Variants in RNPC3 observed in about 807,000 individuals in gnomAD.
The protein encoded by RNPC3 is RNA binding region (RNP1, RRM) containing 3.
In RNPC3, 48 loss-of-function variants were observed where a neutral mutation model predicts 67.5. The ratio of observed to expected loss-of-function variants is 0.71; its 90% CI spans 0.56 to 0.90. RNPC3 has a LOEUF of 0.90. Ranked by LOEUF, RNPC3 falls within the 40% of genes least tolerant of loss-of-function variation. The probability of loss-of-function intolerance (pLI) is 0.00; values close to 1 mark genes in which losing one functional copy is unlikely to be tolerated. For missense variants in RNPC3, 637 were observed against 626.1 expected (o/e 1.02, Z -0.19); for synonymous variants, 239 against 210.3 (o/e 1.14, Z -1.18).
At chr1:103,536,105 T>C in intron 5 of RNPC3, 21 bp from the exon 6 acceptor site, 1 of 1,505,974 alleles carries the variant, frequency 6.6e-7, no homozygotes, top group Non-Finnish European at 8.9e-7. Context: ...TATGTGAATT[T>C]AAATGTCTTA....
intron 7 of RNPC3, among the ~76,000 whole-genome samples, chr1:103,539,258 CTG>C (rs1400229064): frequency 1.4e-4 from 22 of 152,182 alleles, no homozygotes; most frequent in Admixed American, 1.4e-3. Flanking sequence ...CAAGCAGACT[CTG>C]AGCAACATAT....
rs1651510743 is a variant in RNPC3, at chr1:103,555,208, AAATAT to A, written c.*192_*196del. On this transcript the variant is annotated 3_prime_UTR_variant, in exon 15 of 15. Transcript: ENST00000423855. ...TACATGTATTTTAATGATTTTCCTC[AAATAT>A]AATAAATTGTTTCCTTTCCAATAAA... 6.6e-6 allele frequency: 1 copy of A among 152,036 alleles called. No homozygotes were observed. The allele number at this position is 152,036 out of a possible 1,614,324, so 9.4% of individuals were successfully genotyped here.
intron 11 of RNPC3, 131 bp downstream of exon 11, chr1:103,546,473 T>C: frequency 2.2e-6 from 1 of 449,058 alleles, no homozygotes; most frequent in Non-Finnish European, 3.9e-6. Flanking sequence ...CATGACAAAT[T>C]ATTGTTTAGT....
At chr1:103,533,933 T>C (rs1047633022) in intron 3 of RNPC3, 76 bp downstream of exon 3, 6 of 790,256 alleles carry the variant, frequency 7.6e-6, no homozygotes, top group Non-Finnish European at 1.2e-5. Context: ...TATACAGTTA[T>C]TGTATTGTTT....
intron 8 of RNPC3, among the ~76,000 whole-genome samples, chr1:103,541,939 G>A (rs1651132644): frequency 6.6e-6 from 1 of 151,874 alleles, no homozygotes. Flanking sequence ...TACTTAAAAA[G>A]TACCCAGCAG....
At chr1:103,533,709 A>G in intron 2 of RNPC3, 30 bp from the exon 3 acceptor site, 1 of 1,200,652 alleles carries the variant, frequency 8.3e-7, no homozygotes, top group Admixed American at 2.1e-5. Flanking sequence ...TACAATTGTG[A>G]AATGTTTACT....
intron 6 of RNPC3, among the ~76,000 whole-genome samples, chr1:103,536,842 G>A (rs560314335): frequency 6.6e-6 from 1 of 151,870 alleles, no homozygotes; most frequent in African/African-American, 2.4e-5. Context: ...AATTAGTTAA[G>A]GTTATACTAG....
At position 103,551,127 on chromosome 1, in the gene RNPC3, C is replaced by T. The variant is rs897925944; in HGVS notation, c.1494+54C>T. 4 of 1,416,188 alleles carry T rather than the reference C, an allele frequency of 2.8e-6. No homozygotes were observed. The African/African-American group carries it at 4.4e-5, about 16-fold the overall frequency. 87.7% of individuals were successfully genotyped at this position (1,416,188 alleles called of 1,614,324 possible). A position where few individuals can be genotyped will look rare whatever the true frequency, so the allele number is the denominator to read the frequency against. ...CTATATAATTTTTAGAAGGATATAA[C>T]TGAAATTAATTTTCATGTTACCCTT... On this transcript the variant is annotated intron_variant, in intron 13 of 14. Coordinates refer to ENST00000423855, the MANE Select transcript of RNPC3 (RefSeq NM_017619.4).
At chr1:103,526,820 A>G (rs1650724542) in intron 1 of RNPC3, among the ~76,000 whole-genome samples, 1 of 152,170 alleles carries the variant, frequency 6.6e-6, no homozygotes, top group South Asian at 2.1e-4. Context: ...AGGAATTTAC[A>G]CAATTACTTT....
At chr1:103,550,850 A>G in intron 12 of RNPC3, 91 bp from the exon 13 acceptor site, 3 of 1,334,446 alleles carry the variant, frequency 2.2e-6, no homozygotes, top group Non-Finnish European at 3.2e-6. Context: ...AGTCACTTTT[A>G]TTTGAAATAG....
At chr1:103,550,079 G>A (rs760632140) in intron 12 of RNPC3, among the ~76,000 whole-genome samples, 32 of 151,798 alleles carry the variant, frequency 2.1e-4, no homozygotes, top group Non-Finnish European at 2.8e-4. Flanking sequence ...CAGGAGAATC[G>A]CTTAAACCCA....
intron 8 of RNPC3, among the ~76,000 whole-genome samples, chr1:103,542,797 T>A (rs983123236): frequency 2.6e-5 from 4 of 151,858 alleles, no homozygotes; most frequent in African/African-American, 9.7e-5. Context: ...GATAACTTTT[T>A]ATATTGATTA....
intron 8 of RNPC3, among the ~76,000 whole-genome samples, chr1:103,542,645 A>G (rs905199677): frequency 2.0e-5 from 3 of 151,918 alleles, no homozygotes; most frequent in East Asian, 3.9e-4. Context: ...AGAAGTTGCC[A>G]GTAAAATGAT....
Position 103,534,877 on chromosome 1 carries a change from T to C in RNPC3, c.443+20T>C, listed in dbSNP as rs1650943416. ...CCATGGGTTAGCATTTTTGTTTGCT[T>C]TTCTTTTGCTTTTGTTCTGTGTTAT... On this transcript the variant is annotated intron_variant, in intron 4 of 14. Transcript: ENST00000423855. 6.9e-7 allele frequency: 1 copy of C among 1,447,150 alleles called. No homozygotes were observed. The highest frequency in any genetic ancestry group is 9.3e-7 in the Non-Finnish European group (1 of 1,072,154). 89.6% of individuals were successfully genotyped at this position (1,447,150 alleles called of 1,614,324 possible). A position where few individuals can be genotyped will look rare whatever the true frequency, so the allele number is the denominator to read the frequency against.
chr1:103,543,244 C>T (rs1170422967), intron 8 of RNPC3, 52 bp from the exon 9 acceptor site: 30 of 1,236,828 alleles, frequency 2.4e-5, no homozygotes, highest in Middle Eastern at 2.9e-4. Flanking sequence ...TAATATTTTA[C>T]TCAGGATTTT....
At chr1:103,537,585 T>A in intron 7 of RNPC3, 101 bp downstream of exon 7, 1 of 974,430 alleles carries the variant, frequency 1.0e-6, no homozygotes, top group Non-Finnish European at 1.5e-6. Context: ...CTTAATAGTT[T>A]GGGGTGATTA....
At chr1:103,534,449 A>G (rs1211920003) in intron 3 of RNPC3, among the ~76,000 whole-genome samples, 1 of 151,968 alleles carries the variant, frequency 6.6e-6, no homozygotes, top group African/African-American at 2.4e-5. Context: ...TTTGATTACC[A>G]CTGTTTTATA....
At chr1:103,547,846 T>C (rs1380469963) in intron 12 of RNPC3, among the ~76,000 whole-genome samples, 1 of 152,182 alleles carries the variant, frequency 6.6e-6, no homozygotes, top group Non-Finnish European at 1.5e-5. Context: ...AAACTCACAG[T>C]TCCACCAGGG....
intron 7 of RNPC3, 31 bp downstream of exon 7, chr1:103,537,515 C>G (rs1156696249): frequency 3.3e-6 from 5 of 1,512,170 alleles, no homozygotes; most frequent in Non-Finnish European, 2.7e-6. Context: ...GTTTAGTTTC[C>G]AAGAAACATA....
Sources: allele counts gnomAD v4.1 joint callset (sites outside exome capture counted in the v4.1 genomes callset), GRCh38; gene constraint gnomAD v4.1.1; transcripts MANE v1.5; gene names NCBI Gene and HGNC (gene_info 2026-07-23, HGNC 2026-07-21).